Variants in ITSN2 observed in about 807,000 individuals in gnomAD.
ITSN2 encodes intersectin 2.
A neutral mutation model predicts 243.7 loss-of-function variants in ITSN2; 156 were observed. The ratio of observed to expected loss-of-function variants is 0.64; its 90% CI spans 0.56 to 0.73. The LOEUF is 0.73. Among genes scored for constraint, ITSN2 ranks in the 30% least tolerant of loss-of-function variants. ITSN2 has a pLI of 0.00. For synonymous variants in ITSN2, 703 were observed against 699.9 expected, an observed-to-expected ratio of 1.00 and a Z score of -0.07; for missense variants, 1,801 against 1,996.1, an observed-to-expected ratio of 0.90 and a Z score of 1.86.
chr2:24,334,791 C>G (rs924290521), intron 1 of ITSN2: 3 of 1,372,930 alleles, frequency 2.2e-6, no homozygotes, highest in Non-Finnish European at 3.0e-6. Flanking sequence ...TGGCCGGGCG[C>G]GGTGGCTCAC....
chr2:24,331,006 A>G (rs1685723673), intron 1 of ITSN2, among the ~76,000 whole-genome samples: 1 of 149,458 alleles, frequency 6.7e-6, no homozygotes, highest in Non-Finnish European at 1.5e-5. Context: ...ACCTCAGGTG[A>G]TCCACCTGCC....
chr2:24,304,143 A>G (rs1476164023), intron 8 of ITSN2, among the ~76,000 whole-genome samples: 2 of 152,336 alleles, frequency 1.3e-5, no homozygotes, highest in East Asian at 3.9e-4. Context: ...AAAGAACAAG[A>G]TATCAGGCAC....
rs369318753 is a variant in ITSN2 at position 24,266,537 on chromosome 2, G to C, written c.2355+4134C>G. ...TATGGCTAAACTGTATGATGTCACA[G>C]TAATGTAGCTCCCATAAAATGGTGT... On this transcript the variant is annotated intron_variant, in intron 20 of 39. Coordinates refer to ENST00000355123, the MANE Select transcript of ITSN2 (RefSeq NM_006277.3). Among the ~76,000 whole-genome samples the C allele has an allele frequency of 6.6e-5, 10 of 152,150 alleles. No homozygotes were observed. In the East Asian group the frequency reaches 1.3e-3, roughly 20 times the overall value.
At chr2:24,269,082 G>C (rs989244648) in intron 20 of ITSN2, among the ~76,000 whole-genome samples, 1 of 148,038 alleles carries the variant, frequency 6.8e-6, no homozygotes, top group East Asian at 2.0e-4. Context: ...CCTACTACTA[G>C]TCACTCCTTT....
intron 36 of ITSN2, among the ~76,000 whole-genome samples, chr2:24,208,683 G>A (rs1009959453): frequency 6.6e-6 from 1 of 152,242 alleles, no homozygotes; most frequent in Non-Finnish European, 1.5e-5. Context: ...CCTGAAGGAA[G>A]CTGGGAACAG....
intron 13 of ITSN2, among the ~76,000 whole-genome samples, chr2:24,297,052 A>T (rs369464022): frequency 2.2e-4 from 33 of 151,888 alleles, no homozygotes; most frequent in East Asian, 5.8e-4. Context: ...TATATATATA[A>T]AAATAGTGCA....
chr2:24,273,458 A>G (rs1347082669), intron 18 of ITSN2, among the ~76,000 whole-genome samples: 1 of 152,188 alleles, frequency 6.6e-6, no homozygotes, highest in Non-Finnish European at 1.5e-5. Context: ...TTTCATTTGA[A>G]TTTTTATAGC....
intron 17 of ITSN2, among the ~76,000 whole-genome samples, chr2:24,283,766 G>C (rs1286170386): frequency 6.6e-6 from 1 of 152,200 alleles, no homozygotes; most frequent in African/African-American, 2.4e-5. Context: ...CTGGCCTGTG[G>C]AGAATCAAAT....
Position 24,330,566 on chromosome 2 carries a change from G to C in ITSN2, c.-33-2451C>G, listed in dbSNP as rs1310386260. 1.3e-5 allele frequency: 11 copies of C among 838,410 alleles called. No individual in the cohort carries two copies. In the South Asian group the frequency reaches 1.4e-4, roughly 11 times the overall value. The allele number at this position is 838,410 out of a possible 1,614,324, so 51.9% of individuals were successfully genotyped here. A position where few individuals can be genotyped will look rare whatever the true frequency, so the allele number is the denominator to read the frequency against. On this transcript the variant is annotated intron_variant, in intron 1 of 39. Coordinates refer to ENST00000355123, the MANE Select transcript of ITSN2 (RefSeq NM_006277.3). ...AGAAGGGAGAGAAGGTACCCAAAGG[G>C]AAAAAGGGAAAAGCTTATGCTGGCA...
chr2:24,210,600 G>A (rs1669368882), intron 34 of ITSN2, among the ~76,000 whole-genome samples, 180 bp downstream of exon 34: 1 of 140,970 alleles, frequency 7.1e-6, no homozygotes, highest in Non-Finnish European at 1.5e-5. Context: ...GGGCAACAGA[G>A]TGAGACTCCG....
At chr2:24,349,909 G>A (rs759477530) in intron 1 of ITSN2, among the ~76,000 whole-genome samples, 1 of 152,202 alleles carries the variant, frequency 6.6e-6, no homozygotes, top group Non-Finnish European at 1.5e-5. Flanking sequence ...CAGCCAATTT[G>A]AGACAACACC....
intron 31 of ITSN2, among the ~76,000 whole-genome samples, chr2:24,217,033 G>A (rs1175457402): frequency 8.6e-5 from 13 of 151,478 alleles, no homozygotes; most frequent in African/African-American, 2.9e-4. Context: ...GCAGCGAGCC[G>A]AGATCGCGCC....
In ITSN2 at chr2:24,209,870, G is replaced by A; in HGVS notation, c.4421C>T (p.Ser1474Phe). ...GGACTTCGAGCTGAAAAGTTTCTCA[G>A]AGCCAGAGGAAACAGCAAACTGCTT... Reference protein sequence around the residue: ...MVKQFAVSSGSEKLFSSKSNA... With the variant: ...MVKQFAVSSGFEKLFSSKSNA... Residue 1474 changes from serine (S) to phenylalanine (F), a missense_variant, in exon 35 of 40, where the codon TCT (serine) becomes TTT (phenylalanine). Transcript: ENST00000355123. 2 of 1,614,228 alleles carry A rather than the reference G, an allele frequency of 1.2e-6. No individual in the cohort carries two copies. Among genetic ancestry groups the A allele is most frequent in the Middle Eastern group, 1.6e-4 (1 of 6,062 alleles).
intron 1 of ITSN2, among the ~76,000 whole-genome samples, chr2:24,358,975 TATTA>T (rs1688707571): frequency 6.6e-6 from 1 of 152,222 alleles, no homozygotes; most frequent in African/African-American, 2.4e-5. Flanking sequence ...TTCAACTGCT[TATTA>T]ATATTACATC....
intron 18 of ITSN2, among the ~76,000 whole-genome samples, chr2:24,274,558 A>G (rs1045516949): frequency 3.9e-5 from 6 of 152,204 alleles, no homozygotes; most frequent in African/African-American, 1.4e-4. Flanking sequence ...TCGGTGGCAG[A>G]GCAAGGACCC....
intron 15 of ITSN2, among the ~76,000 whole-genome samples, chr2:24,289,652 A>G (rs1021843769): frequency 3.9e-5 from 6 of 152,234 alleles, no homozygotes; most frequent in African/African-American, 1.2e-4. Flanking sequence ...AGAAGTGGTA[A>G]AAAGTGCGTA....
At position 24,217,950 on chromosome 2, in the gene ITSN2, C is replaced by CA; in HGVS notation, c.3762dup (p.Val1255CysfsTer2). 1.2e-6 allele frequency: 2 copies of CA among 1,614,098 alleles called. No homozygotes were observed. The highest frequency in any genetic ancestry group is 1.7e-6 in the Non-Finnish European group (2 of 1,179,984). On this transcript the variant is annotated frameshift_variant, in exon 31 of 40. Transcript: ENST00000355123. LOFTEE classifies it high-confidence loss of function. Reference sequence around the variant, plus strand: ...GACATGATGAGCTCCTTCCAGTTAACAAAAATCAGGGCCATCTCCCCTTCA... The same window carrying CA: ...GACATGATGAGCTCCTTCCAGTTAACAAAAAATCAGGGCCATCTCCCCTTCA...
In ITSN2 at chr2:24,211,038, T is replaced by C; in HGVS notation, c.4090-91A>G. Reference sequence around the variant, plus strand: ...CAGGACCGCTCCTCCAACCCCATGTTATGGACTGCTTCCATGCCCTGGAAA... The same window carrying C: ...CAGGACCGCTCCTCCAACCCCATGTCATGGACTGCTTCCATGCCCTGGAAA... On this transcript the variant is annotated intron_variant, in intron 33 of 39. Coordinates refer to ENST00000355123, the MANE Select transcript of ITSN2 (RefSeq NM_006277.3). This position sits in a 1 kb window ranked among gnomAD's most constrained non-coding sequence, Gnocchi z 4.1. 1 of 1,249,466 alleles carries C rather than the reference T, an allele frequency of 8.0e-7. No homozygotes were observed. The highest frequency in any genetic ancestry group is 1.1e-6 in the Non-Finnish European group (1 of 876,276). The allele number at this position is 1,249,466 out of a possible 1,614,324, so 77.4% of individuals were successfully genotyped here.
chr2:24,360,620 C>T (rs1471659861), upstream of ITSN2: 1 of 152,264 alleles, frequency 6.6e-6, no homozygotes, highest in Non-Finnish European at 1.5e-5. Flanking sequence ...TCCCCACCCT[C>T]CGGAGCCCGA....
Sources: allele counts gnomAD v4.1 joint callset (sites outside exome capture counted in the v4.1 genomes callset), GRCh38; gene constraint gnomAD v4.1.1; non-coding constraint Gnocchi (gnomAD v3.1); transcripts MANE v1.5; gene names NCBI Gene and HGNC (gene_info 2026-07-23, HGNC 2026-07-21).